FAF1: variants seen among roughly 807,000 people sequenced by gnomAD.
The protein encoded by FAF1 is FAS-associated factor 1.
Under a neutral mutation model 92.5 loss-of-function variants are expected in FAF1, and 25 were observed. The observed-to-expected ratio is 0.27, with a 90% confidence interval of 0.20 to 0.38. The LOEUF is 0.38. FAF1 is among the 10% of genes least tolerant of loss of function. The probability of loss-of-function intolerance (pLI) is 1.00; values close to 1 mark genes in which losing one functional copy is unlikely to be tolerated. For missense variants in FAF1, 636 were observed against 793.3 expected (o/e 0.80, Z 2.38); for synonymous variants, 234 against 273.2 (o/e 0.86, Z 1.42).
chr1:50,737,610 A>G (rs1447386174), intron 6 of FAF1, among the ~76,000 whole-genome samples: 7 of 152,220 alleles, frequency 4.6e-5, no homozygotes, highest in Non-Finnish European at 1.0e-4. Context: ...TCCCATTAAC[A>G]TACGGTCTAA....
chr1:50,883,806 T>A (rs1006574022), intron 1 of FAF1, among the ~76,000 whole-genome samples: 1 of 152,188 alleles, frequency 6.6e-6, no homozygotes, highest in South Asian at 2.1e-4. Flanking sequence ...AATTATTAAT[T>A]TACTGAGACG....
intron 18 of FAF1, chr1:50,452,190 G>C: frequency 7.6e-7 from 1 of 1,315,534 alleles, no homozygotes; most frequent in Non-Finnish European, 1.0e-6. Flanking sequence ...GAAAGTCCTG[G>C]AATCTGGAAG....
chr1:50,683,300 G>A (rs992294185), intron 7 of FAF1, among the ~76,000 whole-genome samples: 5 of 152,122 alleles, frequency 3.3e-5, no homozygotes, highest in Non-Finnish European at 7.4e-5. Flanking sequence ...GTCGATGCAG[G>A]TGGATCACTT....
intron 18 of FAF1, among the ~76,000 whole-genome samples, chr1:50,464,492 A>T (rs992732082): frequency 4.6e-5 from 7 of 152,200 alleles, no homozygotes; most frequent in African/African-American, 1.7e-4. Context: ...ACTGCATTTT[A>T]CTAAGGGGAA....
chr1:50,746,089 G>A (rs1478832785), intron 4 of FAF1, among the ~76,000 whole-genome samples: 1 of 151,336 alleles, frequency 6.6e-6, no homozygotes. Flanking sequence ...GTGGCATTGT[G>A]CCCCTGCCTA....
At chr1:50,759,089 G>A (rs528198539) in intron 4 of FAF1, among the ~76,000 whole-genome samples, 10 of 151,966 alleles carry the variant, frequency 6.6e-5, no homozygotes, top group African/African-American at 2.2e-4. Flanking sequence ...TGATCTGCCC[G>A]CCTCAGCCTC....
intron 6 of FAF1, among the ~76,000 whole-genome samples, chr1:50,736,717 C>T (rs1260839762): frequency 6.6e-6 from 1 of 151,812 alleles, no homozygotes; most frequent in African/African-American, 2.4e-5. Context: ...TGCCATTGTA[C>T]TCCAGCCTGG....
intron 17 of FAF1, among the ~76,000 whole-genome samples, chr1:50,480,581 G>A (rs1179928917): frequency 6.6e-6 from 1 of 152,108 alleles, no homozygotes; most frequent in Non-Finnish European, 1.5e-5. Flanking sequence ...TGCCTAAATG[G>A]AGCCTACATT....
chr1:50,721,716 TG>T (rs2124455315), intron 6 of FAF1, among the ~76,000 whole-genome samples: 1 of 152,126 alleles, frequency 6.6e-6, no homozygotes, highest in South Asian at 2.1e-4. Flanking sequence ...ATCAACCTCC[TG>T]GCCTCAAGCA....
chr1:50,686,936 C>T (rs1417507715), intron 7 of FAF1, among the ~76,000 whole-genome samples: 3 of 152,064 alleles, frequency 2.0e-5, no homozygotes, highest in Non-Finnish European at 1.5e-5. Context: ...TCAAGCGATT[C>T]TCATGCCTCA....
chr1:50,727,436 T>A (rs1274404240), intron 6 of FAF1, among the ~76,000 whole-genome samples: 1 of 152,194 alleles, frequency 6.6e-6, no homozygotes, highest in Non-Finnish European at 1.5e-5. Context: ...AAGGCAAATG[T>A]CTTTAGAAAT....
chr1:50,451,032 G>C (rs1311014213), intron 18 of FAF1, among the ~76,000 whole-genome samples: 1 of 152,134 alleles, frequency 6.6e-6, no homozygotes, highest in Non-Finnish European at 1.5e-5. Context: ...ACTGGGGTGA[G>C]GGCTTCCAGG....
intron 8 of FAF1, among the ~76,000 whole-genome samples, chr1:50,609,497 A>G (rs1359747089): frequency 6.6e-6 from 1 of 152,028 alleles, no homozygotes; most frequent in Admixed American, 6.6e-5. Context: ...CAATTTTTCC[A>G]CTTCAGCCTC....
intron 18 of FAF1, chr1:50,462,399 T>C (rs954514018): frequency 2.0e-5 from 3 of 152,302 alleles, no homozygotes; most frequent in South Asian, 4.1e-4. Context: ...ACAACCTGTG[T>C]GTTTTCTTGA....
intron 18 of FAF1, among the ~76,000 whole-genome samples, chr1:50,448,611 C>T (rs1029763750): frequency 2.0e-5 from 3 of 152,156 alleles, no homozygotes; most frequent in South Asian, 2.1e-4. Flanking sequence ...TTACAAGGTA[C>T]GAGGGCCTGC....
intron 1 of FAF1, among the ~76,000 whole-genome samples, chr1:50,887,719 T>C (rs1198526234): frequency 6.6e-6 from 1 of 152,218 alleles, no homozygotes; most frequent in East Asian, 1.9e-4. Context: ...AGGGCTCTGT[T>C]CTGTTCCATT....
chr1:50,797,573 C>A (rs1209950584), intron 3 of FAF1, among the ~76,000 whole-genome samples: 5 of 152,044 alleles, frequency 3.3e-5, no homozygotes, highest in African/African-American at 1.2e-4. Flanking sequence ...GTGGCAAGCG[C>A]CTACAGTCCC....
chr1:50,781,424 T>C (rs927919632), intron 4 of FAF1, among the ~76,000 whole-genome samples: 4 of 152,154 alleles, frequency 2.6e-5, no homozygotes, highest in Non-Finnish European at 5.9e-5. Context: ...AAAGACATTA[T>C]ATAATGATAA....
intron 8 of FAF1, among the ~76,000 whole-genome samples, chr1:50,618,526 G>A (rs1434239279): frequency 6.8e-6 from 1 of 146,538 alleles, no homozygotes; most frequent in African/African-American, 2.5e-5. Flanking sequence ...GCCTCCCAAA[G>A]TGCTGGTATT....
Sources: gnomAD v4.1 joint callset for allele counts (sites outside exome capture counted in the v4.1 genomes callset) on GRCh38, gnomAD v4.1.1 for gene constraint, MANE v1.5 for transcripts, NCBI Gene and HGNC (gene_info 2026-07-23, HGNC 2026-07-21) for gene names.